MON2: variants seen among roughly 807,000 people sequenced by gnomAD.
MON2 encodes protein MON2 homolog.
MON2 carries 84 observed loss-of-function variants against 208.6 expected under a neutral mutation model. The ratio of observed to expected loss-of-function variants is 0.40; its 90% CI spans 0.34 to 0.48. The LOEUF (loss-of-function observed/expected upper bound fraction) is 0.48, where lower values mean the gene tolerates loss of function less well. MON2 is among the 20% of genes least tolerant of loss of function. The pLI is 0.59. For missense variants in MON2, 1,611 were observed against 2,015.4 expected (o/e 0.80, Z 3.84); for synonymous variants, 660 against 694.0 (o/e 0.95, Z 0.77).
intron 7 of MON2, among the ~76,000 whole-genome samples, chr12:62,504,673 G>A (rs561787874): frequency 8.8e-5 from 12 of 135,916 alleles, no homozygotes; most frequent in African/African-American, 3.1e-4. Context: ...CCAGAGATAC[G>A]TATTTGTTTC....
At chr12:62,571,280 C>T (rs1192701568) in intron 29 of MON2, 112 bp from the exon 30 acceptor site, 1 of 822,616 alleles carries the variant, frequency 1.2e-6, no homozygotes, top group East Asian at 2.7e-5. Context: ...AAATACCATC[C>T]TTTTTAAGAT....
At chr12:62,521,359 G>A (rs2072030579) in intron 8 of MON2, among the ~76,000 whole-genome samples, 1 of 152,112 alleles carries the variant, frequency 6.6e-6, no homozygotes, top group Non-Finnish European at 1.5e-5. Context: ...AAAATCATAC[G>A]TGGCAGTGAA....
chr12:62,485,982 G>A (rs1205409684), intron 2 of MON2, among the ~76,000 whole-genome samples: 3 of 152,136 alleles, frequency 2.0e-5, no homozygotes, highest in Non-Finnish European at 2.9e-5. Flanking sequence ...GATTACAGGC[G>A]TGAGCCACTG....
chr12:62,485,724 A>G (rs1055599655), intron 2 of MON2, among the ~76,000 whole-genome samples: 2 of 151,910 alleles, frequency 1.3e-5, no homozygotes, highest in Non-Finnish European at 2.9e-5. Flanking sequence ...TTTTCCTGAG[A>G]TGGACTTTTG....
At chr12:62,485,143 G>T (rs2069691997) in intron 2 of MON2, among the ~76,000 whole-genome samples, 1 of 152,078 alleles carries the variant, frequency 6.6e-6, no homozygotes, top group African/African-American at 2.4e-5. Flanking sequence ...TGCTACCATG[G>T]TATCACCAGG....
At chr12:62,530,498 T>C (rs2136209603) in intron 11 of MON2, among the ~76,000 whole-genome samples, 1 of 152,290 alleles carries the variant, frequency 6.6e-6, no homozygotes, top group South Asian at 2.1e-4. Flanking sequence ...CCCAAAGTGC[T>C]GGGATTACAG....
intron 11 of MON2, 51 bp from the exon 12 acceptor site, chr12:62,532,387 T>A (rs1364259122): frequency 8.2e-7 from 1 of 1,220,796 alleles, no homozygotes; most frequent in Admixed American, 1.9e-5. Context: ...GTTTTATGTA[T>A]TTTTTTTGTT....
intron 25 of MON2, among the ~76,000 whole-genome samples, chr12:62,557,886 T>C (rs1479352460): frequency 1.4e-5 from 2 of 139,850 alleles, no homozygotes; most frequent in East Asian, 4.3e-4. Context: ...TCATTTTTAG[T>C]ACCTTCATGA....
chr12:62,582,899 G>A (rs897058837), intron 32 of MON2, among the ~76,000 whole-genome samples: 2 of 152,074 alleles, frequency 1.3e-5, no homozygotes, highest in Non-Finnish European at 2.9e-5. Context: ...CAAAGAGAAA[G>A]ACCAAAACAA....
intron 19 of MON2, among the ~76,000 whole-genome samples, chr12:62,542,847 G>T (rs1183828518): frequency 6.6e-6 from 1 of 151,964 alleles, no homozygotes; most frequent in Non-Finnish European, 1.5e-5. Context: ...ATCATTTTTG[G>T]ATTTTCATCC....
intron 1 of MON2, among the ~76,000 whole-genome samples, chr12:62,472,808 T>C (rs192327353): frequency 5.4e-4 from 82 of 152,356 alleles, no homozygotes; most frequent in Non-Finnish European, 6.8e-4. Flanking sequence ...TAGTATTTTA[T>C]AATGTGGTTT....
intron 6 of MON2, 133 bp from the exon 7 acceptor site, chr12:62,501,440 C>T: frequency 4.3e-6 from 4 of 928,034 alleles, no homozygotes; most frequent in African/African-American, 1.7e-5. Flanking sequence ...TTGGAATTAC[C>T]AGTGCTTAGT....
At chr12:62,588,578 C>T (rs1295318568) in intron 34 of MON2, among the ~76,000 whole-genome samples, 1 of 152,004 alleles carries the variant, frequency 6.6e-6, no homozygotes, top group Non-Finnish European at 1.5e-5. Flanking sequence ...TTTGTTTGCC[C>T]TTTCTGTTGT....
chr12:62,512,533 C>T (rs997884658), intron 8 of MON2, among the ~76,000 whole-genome samples: 1 of 152,192 alleles, frequency 6.6e-6, no homozygotes, highest in Admixed American at 6.5e-5. Flanking sequence ...GGAGGGTTCC[C>T]ATGGTCTTGG....
intron 7 of MON2, among the ~76,000 whole-genome samples, chr12:62,507,760 T>A (rs1241993332): frequency 6.6e-6 from 1 of 152,034 alleles, no homozygotes; most frequent in East Asian, 1.9e-4. Flanking sequence ...CTTGTAATAC[T>A]GATTATGATT....
At chr12:62,491,379 TTTAA>T (rs1471212319) in intron 2 of MON2, among the ~76,000 whole-genome samples, 4 of 152,200 alleles carry the variant, frequency 2.6e-5, no homozygotes, top group Non-Finnish European at 4.4e-5. Flanking sequence ...TGTGTCGTAG[TTTAA>T]TTGTCACTGA....
chr12:62,540,417 C>G (rs1339284271), intron 19 of MON2, among the ~76,000 whole-genome samples: 3 of 151,980 alleles, frequency 2.0e-5, no homozygotes, highest in Non-Finnish European at 4.4e-5. Flanking sequence ...TAAGATTAAT[C>G]AAGATGAACT....
In MON2 at chr12:62,587,593, A is replaced by G. The variant is rs192882121; in HGVS notation, c.4908-481A>G. 1.3e-3 allele frequency among the ~76,000 whole-genome samples: 192 copies of G among 151,508 alleles called. 1 individual carries two copies. The highest frequency in any genetic ancestry group is 2.3e-3 in the Non-Finnish European group (153 of 67,840). On this transcript the variant is annotated intron_variant, in intron 33 of 34. Coordinates refer to ENST00000393630, the MANE Select transcript of MON2 (RefSeq NM_015026.3). ...GTTTCTACTTTAAAAAAAAAAAAAA[A>G]TTAGCCAGACAATGTGGCATGCCCC...
intron 29 of MON2, among the ~76,000 whole-genome samples, chr12:62,567,049 C>CT (rs2074411434): frequency 6.6e-6 from 1 of 152,094 alleles, no homozygotes; most frequent in Admixed American, 6.6e-5. Context: ...TTTAAAGCCA[C>CT]TTTTTTAGTA....
Sources: gnomAD v4.1 joint callset for allele counts (sites outside exome capture counted in the v4.1 genomes callset) on GRCh38, gnomAD v4.1.1 for gene constraint, MANE v1.5 for transcripts, NCBI Gene and HGNC (gene_info 2026-07-23, HGNC 2026-07-21) for gene names.